The following EPHA6 variants were observed in gnomAD, a reference collection of about 807,000 sequenced individuals.
EPHA6 encodes the protein EPH receptor A6.
EPHA6 carries 50 observed loss-of-function variants against 112.0 expected under a neutral mutation model. That is an observed-to-expected ratio of 0.45 (90% confidence interval 0.36 to 0.56). The LOEUF is 0.56. Ranked by LOEUF, EPHA6 falls within the 20% of genes least tolerant of loss-of-function variation. EPHA6 has a pLI of 0.00. For synonymous variants in EPHA6, 529 were observed against 490.7 expected (o/e 1.08, Z -1.03); for missense variants, 1,280 against 1,417.4 (o/e 0.90, Z 1.56).
rs2035852349 is a variant in EPHA6 at position 97,749,852 on chromosome 3, T to C, written c.*1151T>C. On this transcript the variant is annotated 3_prime_UTR_variant, in exon 18 of 18. Coordinates refer to ENST00000389672, the MANE Select transcript of EPHA6 (RefSeq NM_001080448.3). The stretch of plus-strand genomic sequence containing the variant: ...ATAGTTACATGAACATGCTGAGCTC[T>C]TTTCGAAACCTTCTAAGAAATAAGT... Among the ~76,000 whole-genome samples, 1 of 152,192 alleles carries C rather than the reference T, an allele frequency of 6.6e-6. No homozygotes were observed. The highest frequency in any genetic ancestry group is 1.5e-5 in the Non-Finnish European group (1 of 68,022).
At chr3:97,013,348 A>G (rs2044156334) in intron 3 of EPHA6, among the ~76,000 whole-genome samples, 1 of 152,104 alleles carries the variant, frequency 6.6e-6, no homozygotes, top group Non-Finnish European at 1.5e-5. Context: ...CTTAGAAATG[A>G]TAAAAAAAAA....
intron 3 of EPHA6, among the ~76,000 whole-genome samples, chr3:97,014,437 C>CTTCCT (rs958307901): frequency 1.3e-5 from 2 of 150,716 alleles, no homozygotes; most frequent in Non-Finnish European, 3.0e-5. Flanking sequence ...CACCTTCCTT[C>CTTCCT]TTCCTTTCCT....
chr3:97,709,948 C>T lies in EPHA6; in HGVS notation c.2785-10313C>T, dbSNP rs186731980. ...GTGGAACTGTGAGTCAATTCAACCCCTTTTGTTTATAAATTACCCAGTCTG... is the reference window on the plus strand; with the variant it reads ...GTGGAACTGTGAGTCAATTCAACCCTTTTTGTTTATAAATTACCCAGTCTG... On this transcript the variant is annotated intron_variant, in intron 14 of 17. Transcript: ENST00000389672. Among the ~76,000 whole-genome samples, 14 of 152,296 alleles carry T rather than the reference C, an allele frequency of 9.2e-5. 1 individual carries two copies. The highest frequency in any genetic ancestry group is 1.9e-4 in the Non-Finnish European group (13 of 68,030).
intron 3 of EPHA6, among the ~76,000 whole-genome samples, chr3:97,142,944 C>A (rs1356026863): frequency 6.6e-6 from 1 of 151,850 alleles, no homozygotes; most frequent in Non-Finnish European, 1.5e-5. Flanking sequence ...CCCACTGTCA[C>A]CACTCCTATT....
intron 2 of EPHA6, among the ~76,000 whole-genome samples, chr3:96,932,348 C>G (rs2040368669): frequency 6.6e-6 from 1 of 152,252 alleles, no homozygotes; most frequent in Non-Finnish European, 1.5e-5. Context: ...TTTGTTTATC[C>G]TTTACTCTTT....
chr3:97,306,291 C>CTCTTTTTT (rs1237065374), intron 5 of EPHA6, among the ~76,000 whole-genome samples: 1 of 143,688 alleles, frequency 7.0e-6, no homozygotes, highest in African/African-American at 2.8e-5. Flanking sequence ...TGTCAGGGCC[C>CTCTTTTTT]TCTTTTTTTT....
intron 3 of EPHA6, among the ~76,000 whole-genome samples, chr3:97,181,624 T>C (rs1487776679): frequency 6.6e-6 from 1 of 152,092 alleles, no homozygotes; most frequent in Admixed American, 6.6e-5. Context: ...TGTATATATA[T>C]GTATAAAACT....
chr3:97,592,561 G>C, intron 11 of EPHA6, 51 bp from the exon 12 acceptor site: 1 of 1,603,742 alleles, frequency 6.2e-7, no homozygotes, highest in Non-Finnish European at 8.5e-7. Flanking sequence ...AATGATCAAT[G>C]CTTTTCCATA....
At chr3:96,904,188 C>A (rs1184352222) in intron 2 of EPHA6, among the ~76,000 whole-genome samples, 2 of 151,824 alleles carry the variant, frequency 1.3e-5, no homozygotes, top group Non-Finnish European at 1.5e-5. Flanking sequence ...TTCACAATAG[C>A]AAAGACTTGG....
chr3:96,832,028 A>G (rs1576085501), intron 1 of EPHA6, among the ~76,000 whole-genome samples: 1 of 152,164 alleles, frequency 6.6e-6, no homozygotes, highest in African/African-American at 2.4e-5. Context: ...CATCATAGAA[A>G]GGGTAGAGTC....
chr3:97,411,070 T>G (rs9839145), intron 6 of EPHA6, among the ~76,000 whole-genome samples: 15,600 of 151,734 alleles, frequency 0.1, 2,572 homozygotes, highest in African/African-American at 0.35. Flanking sequence ...TTCATAATTA[T>G]TTGTTGCAGT....
At chr3:97,601,647 A>G (rs749366968) in intron 12 of EPHA6, among the ~76,000 whole-genome samples, 6 of 152,072 alleles carry the variant, frequency 3.9e-5, no homozygotes, top group Non-Finnish European at 5.9e-5. Context: ...TTTAAAAATT[A>G]AACATTTGGA....
chr3:97,214,973 A>G (rs2077991578), intron 3 of EPHA6, among the ~76,000 whole-genome samples: 1 of 152,258 alleles, frequency 6.6e-6, no homozygotes, highest in African/African-American at 2.4e-5. Flanking sequence ...AGTTCTTTCA[A>G]GAATGCTATT....
At chr3:97,127,322 G>A (rs1446963757) in intron 3 of EPHA6, among the ~76,000 whole-genome samples, 1 of 152,110 alleles carries the variant, frequency 6.6e-6, no homozygotes, top group East Asian at 1.9e-4. Flanking sequence ...CCAGGTATAG[G>A]GTGGGCACCT....
intron 14 of EPHA6, among the ~76,000 whole-genome samples, chr3:97,675,344 G>A (rs1197920886): frequency 6.6e-6 from 1 of 152,128 alleles, no homozygotes; most frequent in Non-Finnish European, 1.5e-5. Context: ...GCCAGGCGGG[G>A]TGGTGGGTGC....
At chr3:97,651,428 T>C (rs953150373) in intron 14 of EPHA6, among the ~76,000 whole-genome samples, 1 of 151,956 alleles carries the variant, frequency 6.6e-6, no homozygotes, top group African/African-American at 2.4e-5. Context: ...CAAAAGGATA[T>C]CTATAGCCTG....
In EPHA6 at chr3:97,556,959, C is replaced by T. The variant is rs113492746; in HGVS notation, c.2386+24416C>T. On this transcript the variant is annotated intron_variant, in intron 11 of 17. Transcript: ENST00000389672. ...TGTTATTTTCCAGATTAGTATAGTA[C>T]ATACAAATATTTCTCTTTTATTTTT... Among the ~76,000 whole-genome samples, 753 of 152,090 alleles carry T rather than the reference C, an allele frequency of 5.0e-3. 7 individuals are homozygous for T. Among genetic ancestry groups the T allele is most frequent in the African/African-American group, 0.017 (720 of 41,534 alleles).
Position 97,466,122 on chromosome 3 carries a change from G to A in EPHA6, c.1895-9230G>A, listed in dbSNP as rs1379599016. On this transcript the variant is annotated intron_variant, in intron 7 of 17. Transcript: ENST00000389672. Reference sequence around the variant, plus strand: ...GGAATATCTCCTGGCACATGTGTTAGTCTTTCTGTAGAAAAAGGTTGTTTT... The same window carrying A: ...GGAATATCTCCTGGCACATGTGTTAATCTTTCTGTAGAAAAAGGTTGTTTT... The A allele has an allele frequency of 1.6e-5, 8 of 500,232 alleles. No individual in the cohort carries two copies. The East Asian group carries it at 3.3e-4, about 21-fold the overall frequency. 31.0% of individuals were successfully genotyped at this position (500,232 alleles called of 1,614,324 possible).
At position 97,441,741 on chromosome 3, in the gene EPHA6, T is replaced by TA. The variant is rs533988300; in HGVS notation, c.1732-6825dup. Among the ~76,000 whole-genome samples the TA allele has an allele frequency of 1.8e-4, 28 of 152,222 alleles. No homozygotes were observed. The East Asian group carries it at 5.4e-3, about 29-fold the overall frequency. On this transcript the variant is annotated intron_variant, in intron 6 of 17. Coordinates refer to ENST00000389672, the MANE Select transcript of EPHA6 (RefSeq NM_001080448.3). ...GACTAAAATATTTAAAATGTAATTA[T>TA]AAGTGGTCATTGCTAGTATACAGGA...
Sources: allele counts gnomAD v4.1 joint callset (sites outside exome capture counted in the v4.1 genomes callset), GRCh38; gene constraint gnomAD v4.1.1; transcripts MANE v1.5; gene names NCBI Gene and HGNC (gene_info 2026-07-23, HGNC 2026-07-21).